Variants in AK7 observed in about 807,000 individuals in gnomAD.
AK7 encodes the protein ATP-AMP transphosphorylase 7.
In AK7, 78 loss-of-function variants were observed where a neutral mutation model predicts 96.6. The ratio of observed to expected loss-of-function variants is 0.81; its 90% CI spans 0.67 to 0.97. AK7 has a LOEUF of 0.97. Ranked by LOEUF, AK7 falls within the 50% of genes least tolerant of loss-of-function variation. The pLI is 0.00. For missense variants in AK7, 855 were observed against 887.9 expected, an observed-to-expected ratio of 0.96 and a Z score of 0.47; for synonymous variants, 302 against 317.2, an observed-to-expected ratio of 0.95 and a Z score of 0.51.
chr14:96,401,463 C>T (rs182275060), intron 2 of AK7, among the ~76,000 whole-genome samples: 40 of 152,194 alleles, frequency 2.6e-4, no homozygotes, highest in Admixed American at 5.9e-4. Flanking sequence ...GCTGGTCTTC[C>T]GTGGTTGAGT....
At chr14:96,464,330 T>C (rs1230500157) in intron 12 of AK7, among the ~76,000 whole-genome samples, 2 of 151,828 alleles carry the variant, frequency 1.3e-5, no homozygotes, top group African/African-American at 4.8e-5. Flanking sequence ...GGAGGATCTC[T>C]TGAGGCAAGA....
chr14:96,461,710 G>A (rs988578597), intron 12 of AK7, among the ~76,000 whole-genome samples: 1 of 152,028 alleles, frequency 6.6e-6, no homozygotes, highest in Non-Finnish European at 1.5e-5. Flanking sequence ...TCAGCCTCCT[G>A]AGTAGCTGGG....
At chr14:96,408,413 C>T (rs1890847220) in intron 3 of AK7, among the ~76,000 whole-genome samples, 1 of 152,212 alleles carries the variant, frequency 6.6e-6, no homozygotes. Flanking sequence ...ATACCTATCT[C>T]ATAGTGGGGG....
intron 7 of AK7, 98 bp downstream of exon 7, chr14:96,442,916 T>C (rs755898871): frequency 6.7e-6 from 7 of 1,051,402 alleles, no homozygotes; most frequent in Non-Finnish European, 1.0e-5. Context: ...CTAAGACCCT[T>C]ACATGGATTA....
At chr14:96,484,114 C>A (rs930776557) in intron 16 of AK7, among the ~76,000 whole-genome samples, 4 of 152,090 alleles carry the variant, frequency 2.6e-5, no homozygotes, top group African/African-American at 9.7e-5. Flanking sequence ...GCCCCAACTA[C>A]TAGGGAGGCT....
intron 4 of AK7, among the ~76,000 whole-genome samples, chr14:96,418,335 A>AAAAC: frequency 6.8e-6 from 1 of 147,334 alleles, no homozygotes; most frequent in East Asian, 2.0e-4. Context: ...AAAAAAAAAA[A>AAAAC]AAGGCTTCAA....
At chr14:96,409,207 A>G (rs1202572782) in intron 4 of AK7, among the ~76,000 whole-genome samples, 1 of 152,238 alleles carries the variant, frequency 6.6e-6, no homozygotes, top group Non-Finnish European at 1.5e-5. Context: ...TATTTTAAAC[A>G]TATTGAAAGA....
intron 6 of AK7, among the ~76,000 whole-genome samples, chr14:96,441,642 C>CAA (rs34473287): frequency 0.018 from 1,631 of 90,802 alleles, 66 homozygotes; most frequent in African/African-American, 0.055. Context: ...GACTCCGTCT[C>CAA]AAAAAAAAAA....
intron 10 of AK7, among the ~76,000 whole-genome samples, chr14:96,453,654 A>G (rs1871629853): frequency 6.6e-6 from 1 of 152,224 alleles, no homozygotes; most frequent in South Asian, 2.1e-4. Flanking sequence ...GCAGCCTTAT[A>G]AGACTTGGCT....
At chr14:96,471,426 C>A in intron 12 of AK7, 52 bp from the exon 13 acceptor site, 6 of 889,884 alleles carry the variant, frequency 6.7e-6, no homozygotes, top group African/African-American at 1.8e-5. Context: ...ACAACTCTTA[C>A]TTAGAATGTG....
At chr14:96,394,728 C>T (rs908061245) in intron 1 of AK7, among the ~76,000 whole-genome samples, 1 of 152,198 alleles carries the variant, frequency 6.6e-6, no homozygotes, top group Non-Finnish European at 1.5e-5. Flanking sequence ...GTAATCCCAG[C>T]AATTTGGGAG....
rs1890310272 is a variant in AK7, at chr14:96,399,983, T to C, written c.294+1720T>C. Among the ~76,000 whole-genome samples the C allele has an allele frequency of 6.7e-6, 1 of 148,556 alleles. No individual in the cohort carries two copies. The highest frequency in any genetic ancestry group is 2.0e-4 in the East Asian group (1 of 4,998). On this transcript the variant is annotated intron_variant, in intron 2 of 17. Transcript: ENST00000267584. This position sits in a 1 kb window ranked among gnomAD's most constrained non-coding sequence, Gnocchi z 4.1. The stretch of plus-strand genomic sequence containing the variant: ...CGGTTGTCCTGCAGGCATTGCTGAA[T>C]CAACATATCCAAAATCATATTTATT...
At chr14:96,468,931 C>T (rs567465298) in intron 12 of AK7, among the ~76,000 whole-genome samples, 29 of 151,964 alleles carry the variant, frequency 1.9e-4, no homozygotes, top group Non-Finnish European at 1.8e-4. Context: ...GCCTGCCATA[C>T]AGCTGAACCC....
intron 1 of AK7, among the ~76,000 whole-genome samples, chr14:96,395,317 G>A (rs1006497837): frequency 6.6e-6 from 1 of 152,136 alleles, no homozygotes; most frequent in African/African-American, 2.4e-5. Context: ...TCATAAAGAA[G>A]ACAAATATAT....
At chr14:96,460,626 C>T in intron 12 of AK7, among the ~76,000 whole-genome samples, 1 of 152,214 alleles carries the variant, frequency 6.6e-6, no homozygotes, top group East Asian at 1.9e-4. Context: ...ACCCCTTTGC[C>T]ATAGAGGTTG....
chr14:96,449,310 T>C (rs764526391), intron 8 of AK7, among the ~76,000 whole-genome samples: 2 of 152,216 alleles, frequency 1.3e-5, no homozygotes, highest in African/African-American at 4.8e-5. Context: ...GTCTCTCTTT[T>C]CACACTGGGA....
At chr14:96,485,987 G>A (rs908912269) in intron 16 of AK7, among the ~76,000 whole-genome samples, 7 of 151,946 alleles carry the variant, frequency 4.6e-5, no homozygotes, top group African/African-American at 1.2e-4. Context: ...TAGTAGAGAC[G>A]GGGTTTCACC....
At chr14:96,462,541 G>A (rs1894311951) in intron 12 of AK7, among the ~76,000 whole-genome samples, 1 of 152,094 alleles carries the variant, frequency 6.6e-6, no homozygotes, top group Admixed American at 6.6e-5. Flanking sequence ...GCCCCTGATG[G>A]TGCAGCAAAA....
intron 17 of AK7, 95 bp downstream of exon 17, chr14:96,487,151 G>T: frequency 7.6e-7 from 1 of 1,318,308 alleles, no homozygotes; most frequent in South Asian, 1.2e-5. Flanking sequence ...AAGGTCAGGG[G>T]ATCACTTGTG....
Sources: gnomAD v4.1 joint callset for allele counts (sites outside exome capture counted in the v4.1 genomes callset) on GRCh38, gnomAD v4.1.1 for gene constraint, Gnocchi (gnomAD v3.1) non-coding constraint, MANE v1.5 for transcripts, NCBI Gene and HGNC (gene_info 2026-07-23, HGNC 2026-07-21) for gene names.